Variants in TAFA1 observed in about 807,000 individuals in gnomAD.
TAFA1 encodes chemokine-like protein TAFA-1.
A neutral mutation model predicts 18.5 loss-of-function variants in TAFA1; 4 were observed. That is an observed-to-expected ratio of 0.22 (90% CI 0.11 to 0.49). The LOEUF (loss-of-function observed/expected upper bound fraction) is 0.49. Among genes scored for constraint, TAFA1 ranks in the 20% least tolerant of loss-of-function variants. The pLI, the probability that TAFA1 is intolerant of heterozygous loss-of-function variation, is 0.98. For missense variants in TAFA1, 147 were observed against 169.0 expected (o/e 0.87, Z 0.72); for synonymous variants, 56 against 55.2 (o/e 1.01, Z -0.06).
intron 3 of TAFA1, among the ~76,000 whole-genome samples, chr3:68,491,395 T>C (rs1169417593): frequency 1.3e-5 from 2 of 152,034 alleles, no homozygotes; most frequent in African/African-American, 4.8e-5. Flanking sequence ...TGTAGGGACA[T>C]GGATGAAATT....
intron 2 of TAFA1, among the ~76,000 whole-genome samples, chr3:68,026,375 C>A (rs557719088): frequency 5.3e-5 from 8 of 151,674 alleles, no homozygotes; most frequent in Admixed American, 3.9e-4. Flanking sequence ...TTCTCCCAAT[C>A]GCCTAACAGA....
chr3:68,541,653 C>T (rs189113116), intron 4 of TAFA1, among the ~76,000 whole-genome samples: 1 of 151,552 alleles, frequency 6.6e-6, no homozygotes, highest in East Asian at 1.9e-4. Flanking sequence ...AAAGACAGTT[C>T]ACTCAGGATA....
intron 2 of TAFA1, among the ~76,000 whole-genome samples, chr3:68,013,431 A>G (rs1252315713): frequency 6.6e-6 from 1 of 152,182 alleles, no homozygotes; most frequent in Non-Finnish European, 1.5e-5. Context: ...AAAATAATTC[A>G]AAGACTATAC....
chr3:68,286,157 G>A (rs2067999545), intron 2 of TAFA1, among the ~76,000 whole-genome samples: 1 of 152,030 alleles, frequency 6.6e-6, no homozygotes, highest in Admixed American at 6.6e-5. Context: ...GCTGCAGTGG[G>A]CCAAGATTGC....
rs186696666 is a variant in TAFA1 at position 68,476,470 on chromosome 3, G to T, written c.259+59050G>T. On this transcript the variant is annotated intron_variant, in intron 3 of 4. Transcript: ENST00000478136. ...ATTTTGAGGTGTTTTACAAACGTGT[G>T]AAGAATTCCAGTTTAACCACCTGAA... Among the ~76,000 whole-genome samples the T allele has an allele frequency of 4.5e-4, 68 of 152,278 alleles. 1 individual carries two copies. Among genetic ancestry groups the T allele is most frequent in the Non-Finnish European group, 1.3e-4 (9 of 68,026 alleles).
At chr3:68,203,722 A>G (rs929100657) in intron 2 of TAFA1, among the ~76,000 whole-genome samples, 1 of 151,700 alleles carries the variant, frequency 6.6e-6, no homozygotes, top group Admixed American at 6.6e-5. Context: ...GAAGTTGGGT[A>G]CTGTCCTTTC....
At chr3:68,194,042 C>T (rs1164332376) in intron 2 of TAFA1, among the ~76,000 whole-genome samples, 1 of 151,772 alleles carries the variant, frequency 6.6e-6, no homozygotes, top group African/African-American at 2.4e-5. Context: ...AGACTAATGA[C>T]TCTCTGGGGC....
chr3:68,188,510 TA>T (rs1206607551), intron 2 of TAFA1, among the ~76,000 whole-genome samples: 47 of 145,504 alleles, frequency 3.2e-4, no homozygotes, highest in Non-Finnish European at 5.6e-4. Context: ...TATATATTTA[TA>T]TATATATATA....
intron 2 of TAFA1, among the ~76,000 whole-genome samples, chr3:68,020,461 G>A (rs533710570): frequency 1.3e-5 from 2 of 151,886 alleles, no homozygotes; most frequent in South Asian, 2.1e-4. Context: ...AAGACATAGC[G>A]ATAATGTGTA....
chr3:68,441,123 C>G (rs1030766350), intron 3 of TAFA1, among the ~76,000 whole-genome samples: 7 of 152,080 alleles, frequency 4.6e-5, no homozygotes, highest in Non-Finnish European at 8.8e-5. Context: ...GCCTAGTGGG[C>G]CTATTTGGAT....
intron 2 of TAFA1, among the ~76,000 whole-genome samples, chr3:68,414,789 G>A (rs890130497): frequency 1.3e-5 from 2 of 152,158 alleles, no homozygotes; most frequent in African/African-American, 4.8e-5. Context: ...TGGCTTGTCT[G>A]TCATTGTGTC....
At chr3:68,191,683 A>G (rs1314499116) in intron 2 of TAFA1, among the ~76,000 whole-genome samples, 4 of 151,734 alleles carry the variant, frequency 2.6e-5, no homozygotes, top group African/African-American at 9.7e-5. Flanking sequence ...AGAAAGGGAG[A>G]TAAGACTTTT....
At chr3:68,194,474 T>C (rs1370793530) in intron 2 of TAFA1, among the ~76,000 whole-genome samples, 1 of 151,760 alleles carries the variant, frequency 6.6e-6, no homozygotes, top group Non-Finnish European at 1.5e-5. Context: ...GGATATCTGA[T>C]GACAATTGAT....
intron 3 of TAFA1, among the ~76,000 whole-genome samples, chr3:68,457,245 A>G (rs890901364): frequency 6.6e-6 from 1 of 152,198 alleles, no homozygotes; most frequent in African/African-American, 2.4e-5. Flanking sequence ...TATTCTCTCA[A>G]CTGTGAATGG....
chr3:68,014,571 G>A (rs1341262171), intron 2 of TAFA1, among the ~76,000 whole-genome samples: 1 of 152,132 alleles, frequency 6.6e-6, no homozygotes, highest in Non-Finnish European at 1.5e-5. Context: ...TGTTGTACCT[G>A]GTAGCTCCAA....
At chr3:68,067,540 A>G (rs951017785) in intron 2 of TAFA1, among the ~76,000 whole-genome samples, 6 of 152,186 alleles carry the variant, frequency 3.9e-5, no homozygotes, top group Non-Finnish European at 7.3e-5. Context: ...AGTTTTAGGA[A>G]CTAGCATGCT....
chr3:68,473,280 G>A (rs2072035247), intron 3 of TAFA1, among the ~76,000 whole-genome samples: 1 of 152,156 alleles, frequency 6.6e-6, no homozygotes, highest in African/African-American at 2.4e-5. Flanking sequence ...AGGATTCTAG[G>A]ATATACAGTG....
chr3:68,410,685 A>G (rs1211105678), intron 2 of TAFA1, among the ~76,000 whole-genome samples: 2 of 147,374 alleles, frequency 1.4e-5, no homozygotes, highest in Non-Finnish European at 3.0e-5. Context: ...AAATCCAAAA[A>G]AGAGACCATT....
At chr3:68,537,890 G>T (rs1409611511) in intron 3 of TAFA1, among the ~76,000 whole-genome samples, 1 of 152,186 alleles carries the variant, frequency 6.6e-6, no homozygotes, top group African/African-American at 2.4e-5. Flanking sequence ...TTGCAGTAAA[G>T]AAAGAGTTTA....
Sources: allele counts gnomAD v4.1 joint callset (sites outside exome capture counted in the v4.1 genomes callset), GRCh38; gene constraint gnomAD v4.1.1; transcripts MANE v1.5; gene names NCBI Gene and HGNC (gene_info 2026-07-23, HGNC 2026-07-21).